The following HDAC4 variants were observed in gnomAD, a reference collection of about 807,000 sequenced individuals.
HDAC4 encodes the protein histone deacetylase 4.
In HDAC4, 16 loss-of-function variants were observed where a neutral mutation model predicts 135.1. The ratio of observed to expected loss-of-function variants is 0.12; its 90% CI spans 0.08 to 0.18. HDAC4 has a LOEUF of 0.18. Ranked by LOEUF, HDAC4 falls within the 10% of genes least tolerant of loss-of-function variation. The pLI, the probability that HDAC4 is intolerant of heterozygous loss-of-function variation, is 1.00. For missense variants in HDAC4, 1,143 were observed against 1,511.8 expected (o/e 0.76, Z 4.05); for synonymous variants, 685 against 653.4 (o/e 1.05, Z -0.74).
At chr2:239,282,747 TACAC>T (rs1211017357) in intron 2 of HDAC4, among the ~76,000 whole-genome samples, 5 of 140,768 alleles carry the variant, frequency 3.6e-5, no homozygotes, top group Admixed American at 7.1e-5. Flanking sequence ...CACAGCACTC[TACAC>T]ACAATGTACA....
chr2:239,117,927 C>G (rs1362005944), intron 12 of HDAC4, among the ~76,000 whole-genome samples: 3 of 152,202 alleles, frequency 2.0e-5, no homozygotes. Flanking sequence ...CCCCCGAGCC[C>G]TTGCATTTCA....
intron 2 of HDAC4, among the ~76,000 whole-genome samples, chr2:239,295,918 C>A (rs773727434): frequency 4.6e-5 from 7 of 152,210 alleles, no homozygotes; most frequent in Non-Finnish European, 8.8e-5. Context: ...ACTCACACTT[C>A]ATTTGCAACA....
intron 2 of HDAC4, among the ~76,000 whole-genome samples, chr2:239,318,449 G>A (rs1255765991): frequency 2.6e-5 from 4 of 152,180 alleles, no homozygotes; most frequent in Admixed American, 1.3e-4. Context: ...TGGGGAGGAC[G>A]TGAGAATTGA....
In HDAC4 at chr2:239,328,001, GCCCCT is replaced by G. The variant is rs1364777991; in HGVS notation, c.22+24672_22+24676del. 5.9e-5 allele frequency among the ~76,000 whole-genome samples: 9 copies of G among 152,186 alleles called. No individual in the cohort carries two copies. The East Asian group carries it at 1.7e-3, about 29-fold the overall frequency. ...GCCCATGCCTGGCCCTGTCCACAAG[GCCCCT>G]CACTGCACATCCCTCCACATCTGCC... On this transcript the variant is annotated intron_variant, in intron 2 of 26. Transcript: ENST00000543185.
At chr2:239,258,343 G>C (rs1264490052) in intron 2 of HDAC4, among the ~76,000 whole-genome samples, 2 of 151,252 alleles carry the variant, frequency 1.3e-5, no homozygotes, top group African/African-American at 4.9e-5. Context: ...AAAGGACCCT[G>C]GCCAAGAACT....
rs1409823974 is a variant in HDAC4 at position 239,285,318 on chromosome 2, C to T, written c.23-48654G>A. Among the ~76,000 whole-genome samples, 3 of 152,210 alleles carry T rather than the reference C, an allele frequency of 2.0e-5. No individual in the cohort carries two copies. Among genetic ancestry groups the T allele is most frequent in the African/African-American group, 7.2e-5 (3 of 41,450 alleles). On this transcript the variant is annotated intron_variant, in intron 2 of 26. Coordinates refer to ENST00000543185, the MANE Select transcript of HDAC4 (RefSeq NM_001378414.1). This position sits in a 1 kb window ranked among gnomAD's most constrained non-coding sequence, Gnocchi z 4.5. ...GAGTGGAGAACGCGCCGCGGCTGGG[C>T]CCCCAAGTTCGCGGCTGTGCAGCGT...
chr2:239,119,786 A>G (rs954499622), intron 12 of HDAC4, among the ~76,000 whole-genome samples: 7 of 152,150 alleles, frequency 4.6e-5, no homozygotes, highest in Non-Finnish European at 1.0e-4. Flanking sequence ...CGAGGGGTGC[A>G]TGGTCCTGCC....
chr2:239,100,526 C>T (rs78576559), intron 16 of HDAC4, among the ~76,000 whole-genome samples: 1 of 152,314 alleles, frequency 6.6e-6, no homozygotes, highest in Middle Eastern at 3.4e-3. Flanking sequence ...TGCCCCCAGC[C>T]TCCTTCCCCT....
At chr2:239,145,377 G>A (rs1288030030) in intron 7 of HDAC4, among the ~76,000 whole-genome samples, 1 of 152,174 alleles carries the variant, frequency 6.6e-6, no homozygotes, top group Admixed American at 6.5e-5. Flanking sequence ...GGTACTGGGC[G>A]TGGGTCGGTT....
chr2:239,140,478 A>T (rs781701088), intron 8 of HDAC4, among the ~76,000 whole-genome samples: 1 of 152,206 alleles, frequency 6.6e-6, no homozygotes, highest in Non-Finnish European at 1.5e-5. Flanking sequence ...TATTTTGGGC[A>T]CACACATCCA....
chr2:239,344,902 A>G (rs976000821), intron 2 of HDAC4, among the ~76,000 whole-genome samples: 2 of 151,810 alleles, frequency 1.3e-5, no homozygotes, highest in African/African-American at 2.4e-5. Context: ...TCGGGGTTCA[A>G]TCTCACTCCC....
chr2:239,299,923 G>A lies in HDAC4; in HGVS notation c.22+52755C>T, dbSNP rs1403810584. Among the ~76,000 whole-genome samples the A allele has an allele frequency of 6.6e-6, 1 of 152,194 alleles. No individual in the cohort carries two copies. The highest frequency in any genetic ancestry group is 1.9e-4 in the East Asian group (1 of 5,190). On this transcript the variant is annotated intron_variant, in intron 2 of 26. Coordinates refer to ENST00000543185, the MANE Select transcript of HDAC4 (RefSeq NM_001378414.1). The surrounding 1 kb of genome is among the most constrained non-coding windows in gnomAD (Gnocchi z 4.0). ...CAGTCCTGGGGCTCGGGAGACAGGG[G>A]AGACAGAGAAGGAAGAGGGGTCCCA...
Position 239,082,108 on chromosome 2 carries a change from A to C in HDAC4, c.2646T>G (p.Pro882=). 2 of 1,613,514 alleles carry C rather than the reference A, an allele frequency of 1.2e-6. No homozygotes were observed. The highest frequency in any genetic ancestry group is 1.7e-6 in the Non-Finnish European group (2 of 1,179,860). Residue 882 remains proline (P), a synonymous_variant, in exon 21 of 27, where the codon CCT becomes CCG. Coordinates refer to ENST00000543185, the MANE Select transcript of HDAC4 (RefSeq NM_001378414.1). ...CCTTATATACCCCACCTACCTCATC[A>C]GGAGCCCCGCTGCCTGGGAAGAAGT... is the stretch of plus-strand genomic sequence containing the variant. ...DGNFFPGSGA[P]DEVGTGPGVG...
At chr2:239,062,970 G>A (rs1270695391) in intron 24 of HDAC4, among the ~76,000 whole-genome samples, 1 of 152,128 alleles carries the variant, frequency 6.6e-6, no homozygotes, top group East Asian at 1.9e-4. Context: ...GGTCCCAAGG[G>A]GCTCCCCTTG....
rs1314733228 is a variant in HDAC4, at chr2:239,051,031, T to C, written c.*2066A>G. The C allele has an allele frequency of 6.6e-6, 1 of 152,646 alleles. No homozygotes were observed. 9.5% of individuals were successfully genotyped at this position (152,646 alleles called of 1,614,324 possible). Reference sequence around the variant, plus strand: ...ATTGCTGACATGCTCAAAAGGTCTTTGGAAAACTCAAGTTAGAATTCTATC... The same window carrying C: ...ATTGCTGACATGCTCAAAAGGTCTTCGGAAAACTCAAGTTAGAATTCTATC... On this transcript the variant is annotated 3_prime_UTR_variant, in exon 27 of 27. Transcript: ENST00000543185.
At chr2:239,230,537 C>T (rs1443794693) in intron 3 of HDAC4, among the ~76,000 whole-genome samples, 2 of 152,072 alleles carry the variant, frequency 1.3e-5, no homozygotes, top group Non-Finnish European at 2.9e-5. Context: ...CAAGCAGTCA[C>T]GGCAGGCGCC....
chr2:239,194,658 C>T (rs865828180), intron 3 of HDAC4, among the ~76,000 whole-genome samples: 5 of 152,350 alleles, frequency 3.3e-5, no homozygotes, highest in Middle Eastern at 3.4e-3. Flanking sequence ...TTCTGAATGT[C>T]GCTTACAAAC....
intron 3 of HDAC4, among the ~76,000 whole-genome samples, chr2:239,195,408 G>C (rs1038217546): frequency 1.3e-5 from 2 of 152,200 alleles, no homozygotes; most frequent in African/African-American, 4.8e-5. Flanking sequence ...CCACCCCAGG[G>C]CTCCTGAGGG....
intron 19 of HDAC4, among the ~76,000 whole-genome samples, chr2:239,084,888 C>A (rs77393447): frequency 7.9e-4 from 119 of 151,376 alleles, no homozygotes; most frequent in African/African-American, 2.8e-3. Flanking sequence ...ACCCACCCCC[C>A]CCACGTAGAC....
Sources: allele counts gnomAD v4.1 joint callset (sites outside exome capture counted in the v4.1 genomes callset), GRCh38; gene constraint gnomAD v4.1.1; non-coding constraint Gnocchi (gnomAD v3.1); transcripts MANE v1.5; gene names NCBI Gene and HGNC (gene_info 2026-07-23, HGNC 2026-07-21).